Variants in RGSL1 observed in about 807,000 individuals in gnomAD.
The protein encoded by RGSL1 is regulator of G protein signaling protein-like.
Under a neutral mutation model 124.7 loss-of-function variants are expected in RGSL1, and 97 were observed. The observed-to-expected ratio is 0.78, with a 90% CI of 0.66 to 0.92. RGSL1 has a LOEUF of 0.92. Among genes scored for constraint, RGSL1 ranks in the 40% least tolerant of loss-of-function variants. The probability of loss-of-function intolerance (pLI) is 0.00; values close to 1 mark genes in which losing one functional copy is unlikely to be tolerated. For missense variants in RGSL1, 1,233 were observed against 1,288.4 expected (o/e 0.96, Z 0.66); for synonymous variants, 424 against 438.1 (o/e 0.97, Z 0.40).
chr1:182,538,228 C>T (rs931386986), intron 14 of RGSL1, among the ~76,000 whole-genome samples: 20 of 152,050 alleles, frequency 1.3e-4, no homozygotes, highest in African/African-American at 4.6e-4. Context: ...GTGGACGTTC[C>T]GATAAAAAAG....
intron 11 of RGSL1, among the ~76,000 whole-genome samples, chr1:182,528,562 G>T (rs979118808): frequency 6.6e-6 from 1 of 152,152 alleles, no homozygotes; most frequent in Non-Finnish European, 1.5e-5. Context: ...CCAAAAGGGA[G>T]AAATTGGCCC....
rs991258603 is a variant in RGSL1 at position 182,548,997 on chromosome 1, A to G, written c.2933+173A>G. The G allele has an allele frequency of 2.3e-5, 17 of 731,646 alleles. No homozygotes were observed. In the Admixed American group the frequency reaches 3.6e-4, roughly 15 times the overall value. The allele number at this position is 731,646 out of a possible 1,614,324, so 45.3% of individuals were successfully genotyped here. On this transcript the variant is annotated intron_variant, in intron 17 of 21. Coordinates refer to ENST00000294854, the MANE Select transcript of RGSL1 (RefSeq NM_001137669.2). ...CACTCCATCCCTCACACAGAACACC[A>G]AACACTGAATCCACAGATGGAAGGC... is the stretch of plus-strand genomic sequence containing the variant.
intron 4 of RGSL1, among the ~76,000 whole-genome samples, chr1:182,465,022 G>A (rs955047454): frequency 6.7e-6 from 1 of 148,310 alleles, no homozygotes. Context: ...GCTGTAATGA[G>A]GCATTTGATA....
At chr1:182,518,696 T>C (rs1385546485) in intron 9 of RGSL1, among the ~76,000 whole-genome samples, 2 of 152,232 alleles carry the variant, frequency 1.3e-5, no homozygotes, top group African/African-American at 4.8e-5. Flanking sequence ...AAACTTTCCA[T>C]GCACTGTTGC....
In RGSL1 at chr1:182,511,430, C is replaced by A. The variant is rs933740007; in HGVS notation, c.1826-10574C>A. Reference sequence around the variant, plus strand: ...CTGCCCGTCTCGGCTTCCCTAAGAGCTGGGATTACAGGTTTACAGGTATGA... The same window carrying A: ...CTGCCCGTCTCGGCTTCCCTAAGAGATGGGATTACAGGTTTACAGGTATGA... On this transcript the variant is annotated intron_variant, in intron 9 of 21. Transcript: ENST00000294854. Among the ~76,000 whole-genome samples, 4 of 152,216 alleles carry A rather than the reference C, an allele frequency of 2.6e-5. No individual in the cohort carries two copies. The East Asian group carries it at 7.7e-4, about 29-fold the overall frequency.
intron 9 of RGSL1, among the ~76,000 whole-genome samples, chr1:182,513,133 T>TA (rs1196396012): frequency 6.6e-6 from 1 of 152,218 alleles, no homozygotes; most frequent in Non-Finnish European, 1.5e-5. Flanking sequence ...GCCTACCCAG[T>TA]ATTTCTCTGT....
chr1:182,472,666 T>G, intron 5 of RGSL1, 109 bp downstream of exon 5: 4 of 1,198,340 alleles, frequency 3.3e-6, no homozygotes, highest in Non-Finnish European at 4.5e-6. Context: ...CTTTCCATCT[T>G]CTATGTATCA....
At chr1:182,469,593 T>C (rs115105574) in intron 4 of RGSL1, among the ~76,000 whole-genome samples, 2,046 of 152,296 alleles carry the variant, frequency 0.013, 22 homozygotes, top group Non-Finnish European at 0.019. Context: ...GAAAATAGCA[T>C]GGAGGTTTCT....
chr1:182,551,667 A>G (rs1355862878), intron 18 of RGSL1, among the ~76,000 whole-genome samples: 1 of 152,238 alleles, frequency 6.6e-6, no homozygotes, highest in African/African-American at 2.4e-5. Flanking sequence ...TATATATGTA[A>G]AACAGATATA....
At chr1:182,544,646 A>C (rs1660098981) in intron 15 of RGSL1, among the ~76,000 whole-genome samples, 1 of 151,918 alleles carries the variant, frequency 6.6e-6, no homozygotes, top group African/African-American at 2.4e-5. Context: ...TAGATCTTTT[A>C]ATGTTTGCTT....
chr1:182,522,715 T>A (rs910229143), intron 10 of RGSL1, among the ~76,000 whole-genome samples: 2 of 152,200 alleles, frequency 1.3e-5, no homozygotes, highest in Non-Finnish European at 2.9e-5. Context: ...TTGCTATAAC[T>A]TCCTTCTCTT....
At chr1:182,514,868 T>C (rs1254435077) in intron 9 of RGSL1, among the ~76,000 whole-genome samples, 1 of 152,230 alleles carries the variant, frequency 6.6e-6, no homozygotes, top group Non-Finnish European at 1.5e-5. Flanking sequence ...GGCATTTTTT[T>C]CTCCAGATTC....
At chr1:182,468,575 T>C (rs1053134634) in intron 4 of RGSL1, among the ~76,000 whole-genome samples, 10 of 151,858 alleles carry the variant, frequency 6.6e-5, no homozygotes, top group Admixed American at 3.3e-4. Flanking sequence ...AATGAGAATA[T>C]TTGGACACAG....
rs552545961 is a variant in RGSL1, at chr1:182,452,735, G to A, written c.14-1223G>A. 4.3e-4 allele frequency among the ~76,000 whole-genome samples: 65 copies of A among 152,234 alleles called. 1 individual carries two copies. The highest frequency in any genetic ancestry group is 3.7e-3 in the Admixed American group (56 of 15,292). Reference sequence around the variant, plus strand: ...CCCAAAGTGTTGGGATTATAGGCATGAGCCACCATGCCTGGCCAGGAGTTT... The same window carrying A: ...CCCAAAGTGTTGGGATTATAGGCATAAGCCACCATGCCTGGCCAGGAGTTT... On this transcript the variant is annotated intron_variant, in intron 1 of 21. Coordinates refer to ENST00000294854, the MANE Select transcript of RGSL1 (RefSeq NM_001137669.2).
intron 10 of RGSL1, among the ~76,000 whole-genome samples, chr1:182,523,198 G>GGC (rs67429531): frequency 0.87 from 127,700 of 147,384 alleles, 55,480 homozygotes; most frequent in Non-Finnish European, 0.89. Context: ...CACCATGCCT[G>GGC]TTTTTTTTTC....
At chr1:182,525,200 A>G (rs1417424262) in intron 10 of RGSL1, among the ~76,000 whole-genome samples, 1 of 152,176 alleles carries the variant, frequency 6.6e-6, no homozygotes, top group Non-Finnish European at 1.5e-5. Context: ...ATAATATATT[A>G]TCCCAAATTC....
rs866859397 is a variant in RGSL1, at chr1:182,527,754, C to T, written c.2107C>T (p.Gln703Ter). 1.3e-6 allele frequency: 2 copies of T among 1,550,280 alleles called. No homozygotes were observed. The highest frequency in any genetic ancestry group is 8.7e-7 in the Non-Finnish European group (1 of 1,146,184). Residue 703 changes from glutamine to a stop codon, truncating the protein, a stop_gained, in exon 11 of 22, where the codon CAA becomes TAA. Transcript: ENST00000294854. LOFTEE classifies it high-confidence loss of function. ...AGAAAATGTAATCAAGACTTTCTTC[C>T]AAGGCCAACTCTCTCCTGGTATGCA... Reference protein sequence around the residue: ...LIENVIKTFFQGQLSPEEMLQ... With the variant: ...LIENVIKTFF
At chr1:182,488,215 A>G in intron 6 of RGSL1, 70 bp from the exon 7 acceptor site, 1 of 1,424,984 alleles carries the variant, frequency 7.0e-7, no homozygotes, top group South Asian at 1.2e-5. Context: ...CTCCCAGGTG[A>G]ACATATGCAG....
intron 4 of RGSL1, among the ~76,000 whole-genome samples, chr1:182,461,377 G>T (rs570174251): frequency 1.3e-4 from 20 of 151,856 alleles, no homozygotes; most frequent in Non-Finnish European, 2.4e-4. Flanking sequence ...AGCAAACTCT[G>T]TGAAAAGGAG....
Sources: allele counts gnomAD v4.1 joint callset (sites outside exome capture counted in the v4.1 genomes callset), GRCh38; gene constraint gnomAD v4.1.1; transcripts MANE v1.5; gene names NCBI Gene and HGNC (gene_info 2026-07-23, HGNC 2026-07-21).